Variants in TLE4 observed in about 807,000 individuals in gnomAD.
TLE4 encodes TLE family member 4, transcriptional corepressor.
A neutral mutation model predicts 92.8 loss-of-function variants in TLE4; 8 were observed. The ratio of observed to expected loss-of-function variants is 0.09; its 90% CI spans 0.05 to 0.16. The LOEUF (loss-of-function observed/expected upper bound fraction) is 0.16. Ranked by LOEUF, TLE4 falls within the 10% of genes least tolerant of loss-of-function variation. The pLI, the probability that TLE4 is intolerant of heterozygous loss-of-function variation, is 1.00. For synonymous variants in TLE4, 371 were observed against 374.1 expected, an observed-to-expected ratio of 0.99 and a Z score of 0.10; for missense variants, 675 against 997.6, an observed-to-expected ratio of 0.68 and a Z score of 4.36.
chr9:79,572,971 G>A (rs2036252860), intron 1 of TLE4, 136 bp downstream of exon 1: 13 of 923,668 alleles, frequency 1.4e-5, no homozygotes, highest in Non-Finnish European at 2.0e-5. Flanking sequence ...GCCGGGAGCA[G>A]CCCGCCCGCC....
intron 8 of TLE4, chr9:79,663,699 G>A (rs968904935): frequency 2.6e-5 from 4 of 151,630 alleles, no homozygotes; most frequent in African/African-American, 9.7e-5. Flanking sequence ...TTTTGGTCAC[G>A]GAACTGGTTG....
At chr9:79,642,324 T>A (rs1380605802) in intron 6 of TLE4, among the ~76,000 whole-genome samples, 1 of 152,022 alleles carries the variant, frequency 6.6e-6, no homozygotes, top group African/African-American at 2.4e-5. Flanking sequence ...GGTATAATCA[T>A]AGGGCACCAC....
intron 4 of TLE4, among the ~76,000 whole-genome samples, chr9:79,578,601 C>A (rs1488582612): frequency 2.0e-5 from 3 of 152,088 alleles, no homozygotes; most frequent in East Asian, 1.9e-4. Flanking sequence ...CATCATCAGT[C>A]CCCCTGTGTT....
At chr9:79,607,883 C>G (rs1310712286) in intron 4 of TLE4, among the ~76,000 whole-genome samples, 1 of 150,580 alleles carries the variant, frequency 6.6e-6, no homozygotes, top group Non-Finnish European at 1.5e-5. Flanking sequence ...GCAATGCGGG[C>G]TTTTTTTTTG....
intron 6 of TLE4, chr9:79,627,699 T>C (rs2052986692): frequency 8.9e-6 from 4 of 450,568 alleles, no homozygotes; most frequent in South Asian, 6.3e-5. Context: ...CTCTTTTTCA[T>C]ATTTCTTTGC....
intron 5 of TLE4, among the ~76,000 whole-genome samples, chr9:79,624,145 A>C (rs2051836858): frequency 6.9e-6 from 1 of 144,564 alleles, no homozygotes; most frequent in Non-Finnish European, 1.5e-5. Context: ...TTTTTTTCTG[A>C]GTGAGAGCTT....
At chr9:79,588,765 G>T (rs564329747) in intron 4 of TLE4, among the ~76,000 whole-genome samples, 24 of 152,326 alleles carry the variant, frequency 1.6e-4, no homozygotes, top group Admixed American at 1.4e-3. Flanking sequence ...GTGCCTGCCT[G>T]GGGTGGAGGA....
chr9:79,691,950 C>A (rs1049421171), intron 8 of TLE4, among the ~76,000 whole-genome samples: 37 of 152,072 alleles, frequency 2.4e-4, no homozygotes. Flanking sequence ...AACAAGGTCC[C>A]CATTCGCCCT....
chr9:79,724,535 G>A (rs889889405), intron 19 of TLE4, among the ~76,000 whole-genome samples: 9 of 152,014 alleles, frequency 5.9e-5, no homozygotes, highest in East Asian at 5.8e-4. Flanking sequence ...GGGTGGATCC[G>A]ATCCACCTCT....
At chr9:79,655,355 C>T (rs1278159275) in intron 8 of TLE4, among the ~76,000 whole-genome samples, 1 of 152,222 alleles carries the variant, frequency 6.6e-6, no homozygotes, top group Non-Finnish European at 1.5e-5. Context: ...TTTAATGGAG[C>T]TATGTATATG....
intron 6 of TLE4, among the ~76,000 whole-genome samples, chr9:79,630,286 C>T (rs1242415419): frequency 1.3e-5 from 2 of 152,138 alleles, no homozygotes; most frequent in Non-Finnish European, 2.9e-5. Context: ...ATCCCGTAAT[C>T]TGGAGAGGCG....
chr9:79,695,220 G>T (rs143455701), intron 8 of TLE4, among the ~76,000 whole-genome samples: 49 of 152,284 alleles, frequency 3.2e-4, no homozygotes, highest in African/African-American at 1.1e-3. Flanking sequence ...GAGGAGAGCA[G>T]CAGTGAAAAG....
chr9:79,702,309 C>A (rs1051538386), intron 8 of TLE4, among the ~76,000 whole-genome samples: 1 of 152,088 alleles, frequency 6.6e-6, no homozygotes, highest in Non-Finnish European at 1.5e-5. Flanking sequence ...CTGAACCTCT[C>A]TTTGGGAAGT....
At chr9:79,622,625 T>C (rs986186767) in intron 5 of TLE4, among the ~76,000 whole-genome samples, 2 of 152,230 alleles carry the variant, frequency 1.3e-5, no homozygotes, top group Admixed American at 1.3e-4. Flanking sequence ...ATTCACTGAC[T>C]GTTTTCCTTG....
At chr9:79,681,851 T>TGC (rs1025387037) in intron 8 of TLE4, among the ~76,000 whole-genome samples, 4 of 149,140 alleles carry the variant, frequency 2.7e-5, no homozygotes, top group African/African-American at 7.6e-5. Flanking sequence ...TGTGTGTGTG[T>TGC]GTGTGTGTGT....
intron 14 of TLE4, among the ~76,000 whole-genome samples, chr9:79,713,486 A>G (rs2073835318): frequency 6.6e-6 from 1 of 152,192 alleles, no homozygotes; most frequent in African/African-American, 2.4e-5. Context: ...AGAGGAGGTC[A>G]GGTCACTCTA....
chr9:79,715,753 C>T (rs964669245), intron 14 of TLE4, among the ~76,000 whole-genome samples: 17 of 152,038 alleles, frequency 1.1e-4, no homozygotes, highest in Admixed American at 9.2e-4. Context: ...CAAAGACAAC[C>T]CCCCAGTATC....
At chr9:79,701,298 A>C (rs2069796742) in intron 8 of TLE4, among the ~76,000 whole-genome samples, 1 of 152,232 alleles carries the variant, frequency 6.6e-6, no homozygotes, top group Non-Finnish European at 1.5e-5. Flanking sequence ...TCCAACATGT[A>C]ACTCTGTTCT....
Position 79,720,259 on chromosome 9 carries a change from G to A in TLE4, c.1804G>A (p.Ala602Thr), listed in dbSNP as rs753167270. Residue 602 changes from alanine (A) to threonine (T), a missense_variant, in exon 16 of 20, where the codon GCT (alanine) becomes ACT (threonine). By Grantham distance (58) the Ala-to-Thr change is moderately conservative. Transcript: ENST00000376552. ...CTCATGCTGCAGCGACGGCAACATC[G>A]CTGTGTGGGATCTGCACAACCAGAC... ...CFSCCSDGNI[A>T]VWDLHNQTLV... is the part of the protein sequence containing the mutation. 6.2e-6 allele frequency: 10 copies of A among 1,613,874 alleles called. No individual in the cohort carries two copies. The highest frequency in any genetic ancestry group is 8.5e-6 in the Non-Finnish European group (10 of 1,179,962).
Sources: allele counts gnomAD v4.1 joint callset (sites outside exome capture counted in the v4.1 genomes callset), GRCh38; gene constraint gnomAD v4.1.1; transcripts MANE v1.5; gene names NCBI Gene and HGNC (gene_info 2026-07-23, HGNC 2026-07-21).